DAB2IP: variants seen among roughly 807,000 people sequenced by gnomAD.
DAB2IP encodes disabled homolog 2-interacting protein.
In DAB2IP, 28 loss-of-function variants were observed where a neutral mutation model predicts 107.2. The observed-to-expected ratio is 0.26, with a 90% CI of 0.19 to 0.36. The LOEUF is 0.36. DAB2IP is among the 10% of genes least tolerant of loss of function. The pLI, the probability that DAB2IP is intolerant of heterozygous loss-of-function variation, is 1.00. For missense variants in DAB2IP, 1,400 were observed against 1,644.7 expected (o/e 0.85, Z 2.57); for synonymous variants, 755 against 706.4 (o/e 1.07, Z -1.09).
intron 2 of DAB2IP, among the ~76,000 whole-genome samples, chr9:121,687,676 G>C (rs1431048247): frequency 6.6e-6 from 1 of 152,152 alleles, no homozygotes; most frequent in Non-Finnish European, 1.5e-5. Context: ...CCTGTGCTGA[G>C]CACTTTCTAA....
At chr9:121,595,602 CAA>C (rs34697198) in intron 1 of DAB2IP, among the ~76,000 whole-genome samples, 4 of 133,284 alleles carry the variant, frequency 3.0e-5, no homozygotes, top group Admixed American at 1.5e-4. Flanking sequence ...GGTGCTGTCT[CAA>C]AAAAAAAAAA....
At chr9:121,607,873 G>A (rs1450535336) in intron 1 of DAB2IP, among the ~76,000 whole-genome samples, 1 of 152,254 alleles carries the variant, frequency 6.6e-6, no homozygotes. Context: ...TAGAATGTGT[G>A]ACAACTGAGT....
At chr9:121,780,455 TG>T (rs889797394) in intron 14 of DAB2IP, among the ~76,000 whole-genome samples, 7 of 152,022 alleles carry the variant, frequency 4.6e-5, no homozygotes, top group Non-Finnish European at 1.0e-4. Flanking sequence ...CTTCTGTGAG[TG>T]GGCTAAGTGC....
At chr9:121,773,237 C>T in exon 12 of DAB2IP, 1 of 1,552,342 alleles carries the variant, frequency 6.4e-7, no homozygotes, top group Non-Finnish European at 8.7e-7. Flanking sequence ...GCGGGCAGCC[C>T]ACGGTGCCAC....
At chr9:121,753,680 G>A (rs988366414) in intron 3 of DAB2IP, among the ~76,000 whole-genome samples, 7 of 152,150 alleles carry the variant, frequency 4.6e-5, no homozygotes, top group Non-Finnish European at 8.8e-5. Flanking sequence ...GCTGTGTGCT[G>A]TTGAAATATG....
chr9:121,632,999 G>T (rs1444360746), intron 1 of DAB2IP, among the ~76,000 whole-genome samples: 1 of 152,224 alleles, frequency 6.6e-6, no homozygotes, highest in East Asian at 1.9e-4. Flanking sequence ...ACCCTGCTCA[G>T]CTTCCCTCTC....
intron 1 of DAB2IP, among the ~76,000 whole-genome samples, chr9:121,677,619 G>C (rs1215793814): frequency 6.6e-6 from 1 of 152,158 alleles, no homozygotes; most frequent in Non-Finnish European, 1.5e-5. Context: ...TCCAGTGACA[G>C]GGAGCCCACT....
chr9:121,591,327 G>C (rs1363468943), intron 1 of DAB2IP, among the ~76,000 whole-genome samples: 4 of 152,192 alleles, frequency 2.6e-5, no homozygotes, highest in African/African-American at 7.2e-5. Flanking sequence ...AAATTAGTTG[G>C]TTGCAGTGAT....
chr9:121,769,221 C>G (rs1350234002), intron 10 of DAB2IP, among the ~76,000 whole-genome samples: 3 of 152,162 alleles, frequency 2.0e-5, no homozygotes, highest in Non-Finnish European at 4.4e-5. Context: ...TTCTAGGGCT[C>G]CAAGGGACCA....
At chr9:121,735,048 A>G (rs544416314) in intron 3 of DAB2IP, among the ~76,000 whole-genome samples, 1 of 152,288 alleles carries the variant, frequency 6.6e-6, no homozygotes, top group African/African-American at 2.4e-5. Context: ...CTGAGACTCT[A>G]TCTTCACCTC....
intron 1 of DAB2IP, chr9:121,575,503 T>G (rs928881899): frequency 2.0e-5 from 3 of 152,214 alleles, no homozygotes; most frequent in African/African-American, 7.2e-5. Context: ...CTTGGTATAT[T>G]GTTCAATTCC....
chr9:121,623,760 T>G (rs1265955884), intron 1 of DAB2IP, among the ~76,000 whole-genome samples: 1 of 152,034 alleles, frequency 6.6e-6, no homozygotes, highest in African/African-American at 2.4e-5. Flanking sequence ...TGATCTCAGC[T>G]CATTGCCACC....
chr9:121,777,463 G>A (rs1386732188), intron 14 of DAB2IP, among the ~76,000 whole-genome samples: 7 of 152,346 alleles, frequency 4.6e-5, no homozygotes. Flanking sequence ...CTCACCTTGT[G>A]TGTGTTTCCA....
intron 2 of DAB2IP, among the ~76,000 whole-genome samples, chr9:121,689,639 C>A (rs1006739713): frequency 6.6e-6 from 1 of 152,052 alleles, no homozygotes; most frequent in African/African-American, 2.4e-5. Flanking sequence ...TGCCTTGGGG[C>A]CCCCCGGGCC....
chr9:121,703,122 A>G (rs927339883), intron 3 of DAB2IP, among the ~76,000 whole-genome samples: 2 of 152,116 alleles, frequency 1.3e-5, no homozygotes, highest in East Asian at 1.9e-4. Context: ...GGGACTAGGG[A>G]AGGAGATACA....
intron 1 of DAB2IP, among the ~76,000 whole-genome samples, chr9:121,657,690 CAGAG>C (rs1833024804): frequency 6.6e-6 from 1 of 152,176 alleles, no homozygotes; most frequent in African/African-American, 2.4e-5. Flanking sequence ...TGCTGCAACT[CAGAG>C]AGCGCTGGAA....
At chr9:121,604,084 G>A (rs1191845803) in intron 1 of DAB2IP, among the ~76,000 whole-genome samples, 1 of 152,082 alleles carries the variant, frequency 6.6e-6, no homozygotes, top group Admixed American at 6.6e-5. Flanking sequence ...TTGCAAGAAG[G>A]TGATGGTGGG....
At chr9:121,769,134 AG>A (rs949117463) in intron 10 of DAB2IP, among the ~76,000 whole-genome samples, 18 of 152,154 alleles carry the variant, frequency 1.2e-4, no homozygotes, top group African/African-American at 4.3e-4. Flanking sequence ...CCCCAGCCTC[AG>A]CCCACACAGT....
At chr9:121,743,729 C>T (rs558552923) in intron 3 of DAB2IP, among the ~76,000 whole-genome samples, 21 of 152,230 alleles carry the variant, frequency 1.4e-4, no homozygotes, top group African/African-American at 4.6e-4. Flanking sequence ...GTGGCCTGAG[C>T]GGAGCTTAGA....
Sources: gnomAD v4.1 joint callset for allele counts (sites outside exome capture counted in the v4.1 genomes callset) on GRCh38, gnomAD v4.1.1 for gene constraint, MANE v1.5 for transcripts, NCBI Gene and HGNC (gene_info 2026-07-23, HGNC 2026-07-21) for gene names.